Variants in PDS5B observed in about 807,000 individuals in gnomAD.
The protein encoded by PDS5B is PDS5 cohesin associated factor B.
A neutral mutation model predicts 184.1 loss-of-function variants in PDS5B; 51 were observed. The ratio of observed to expected loss-of-function variants is 0.28; its 90% CI spans 0.22 to 0.35. PDS5B has a LOEUF of 0.35. Among genes scored for constraint, PDS5B ranks in the 10% least tolerant of loss-of-function variants. The probability of loss-of-function intolerance (pLI) is 1.00; values close to 1 mark genes in which losing one functional copy is unlikely to be tolerated. For missense variants in PDS5B, 1,180 were observed against 1,723.3 expected, an observed-to-expected ratio of 0.68 and a Z score of 5.58; for synonymous variants, 566 against 569.2, an observed-to-expected ratio of 0.99 and a Z score of 0.08.
chr13:32,754,487 C>A (rs9596205), intron 25 of PDS5B, among the ~76,000 whole-genome samples: 48,517 of 152,016 alleles, frequency 0.32, 9,430 homozygotes, highest in Non-Finnish European at 0.44. Context: ...TGTTTCCAGA[C>A]AAACAAACAA....
At chr13:32,739,506 C>T (rs983051832) in intron 21 of PDS5B, among the ~76,000 whole-genome samples, 1 of 152,118 alleles carries the variant, frequency 6.6e-6, no homozygotes, top group African/African-American at 2.4e-5. Flanking sequence ...ATCCATCTTT[C>T]TTGCTAAATT....
chr13:32,634,083 T>TA (rs1208911264), intron 1 of PDS5B, among the ~76,000 whole-genome samples: 1 of 152,210 alleles, frequency 6.6e-6, no homozygotes, highest in East Asian at 1.9e-4. Context: ...AGCTTCCTGT[T>TA]ACTGCTTCAG....
chr13:32,656,371 G>A (rs538321571), intron 3 of PDS5B, among the ~76,000 whole-genome samples: 2 of 141,934 alleles, frequency 1.4e-5, no homozygotes, highest in South Asian at 4.7e-4. Context: ...ATTTTGTGAA[G>A]AATGTTCTTG....
chr13:32,664,864 GA>G (rs1329650336), intron 6 of PDS5B, among the ~76,000 whole-genome samples: 12 of 145,766 alleles, frequency 8.2e-5, no homozygotes, highest in Middle Eastern at 3.5e-3. Flanking sequence ...AAGGGAAAAA[GA>G]AAAAAAAAAG....
chr13:32,689,531 T>C (rs1395606008), intron 13 of PDS5B: 1 of 152,180 alleles, frequency 6.6e-6, no homozygotes, highest in Non-Finnish European at 1.5e-5. Context: ...AAATATTTAC[T>C]GTCCGGCCTT....
chr13:32,626,855 A>T (rs946493770), intron 1 of PDS5B, among the ~76,000 whole-genome samples: 1 of 152,238 alleles, frequency 6.6e-6, no homozygotes, highest in African/African-American at 2.4e-5. Context: ...TTATATGTTC[A>T]ATCAAATAAA....
intron 19 of PDS5B, among the ~76,000 whole-genome samples, chr13:32,713,039 A>C (rs926716543): frequency 6.6e-6 from 1 of 152,230 alleles, no homozygotes; most frequent in African/African-American, 2.4e-5. Context: ...TAGATGTGCC[A>C]AAACTGAGGA....
At chr13:32,640,981 C>A (rs909219419) in intron 1 of PDS5B, among the ~76,000 whole-genome samples, 1 of 149,354 alleles carries the variant, frequency 6.7e-6, no homozygotes, top group Non-Finnish European at 1.5e-5. Flanking sequence ...GGCGTGAACC[C>A]GGGAGGCGGA....
intron 24 of PDS5B, 60 bp from the exon 25 acceptor site, chr13:32,753,272 C>T (rs1954052805): frequency 1.5e-6 from 2 of 1,373,798 alleles, no homozygotes; most frequent in Admixed American, 1.8e-5. Flanking sequence ...AATTTTATAT[C>T]TGAAGTTGTT....
chr13:32,750,865 G>GTA (rs1555316538), intron 24 of PDS5B, among the ~76,000 whole-genome samples: 1 of 151,688 alleles, frequency 6.6e-6, no homozygotes, highest in East Asian at 1.9e-4. Context: ...GTGTGTGTGT[G>GTA]TGTGTGTGTG....
intron 1 of PDS5B, among the ~76,000 whole-genome samples, chr13:32,587,398 C>T (rs2057705416): frequency 6.6e-6 from 1 of 152,124 alleles, no homozygotes; most frequent in Non-Finnish European, 1.5e-5. Context: ...GAAGGAACGG[C>T]GGGGAAAATG....
At chr13:32,693,716 T>C (rs758021325) in intron 13 of PDS5B, among the ~76,000 whole-genome samples, 13 of 150,842 alleles carry the variant, frequency 8.6e-5, no homozygotes, top group Non-Finnish European at 1.6e-4. Flanking sequence ...ATATTGTTGC[T>C]TATATATCGA....
At chr13:32,625,177 C>T (rs924639750) in intron 1 of PDS5B, among the ~76,000 whole-genome samples, 55 of 152,184 alleles carry the variant, frequency 3.6e-4, no homozygotes, top group Non-Finnish European at 1.2e-4. Flanking sequence ...AGTACAGTGA[C>T]GTGATCACAG....
rs1950374944 is a variant in PDS5B, at chr13:32,651,890, A to C, written c.195A>C (p.Ser65=). The stretch of plus-strand genomic sequence containing the variant: ...TAAACCTAGCTTTACATCTTGCTTC[A>C]GATTTTTTTCTCAAGCATCCTGATA... The part of the protein sequence containing the change: ...LYLNLALHLA[S]DFFLKHPDKD... Residue 65 remains serine, a synonymous_variant, in exon 3 of 35, where the codon TCA becomes TCC. Transcript: ENST00000315596. 4 of 1,613,202 alleles carry C rather than the reference A, an allele frequency of 2.5e-6. No homozygotes were observed. The highest frequency in any genetic ancestry group is 2.7e-5 in the African/African-American group (2 of 75,024).
chr13:32,680,705 C>CTT (rs1951214908), intron 10 of PDS5B, among the ~76,000 whole-genome samples: 1 of 152,172 alleles, frequency 6.6e-6, no homozygotes, highest in African/African-American at 2.4e-5. Context: ...CCTTCTCTTC[C>CTT]TTGTTTTAAG....
intron 15 of PDS5B, among the ~76,000 whole-genome samples, chr13:32,697,425 CAG>C (rs1181435067): frequency 1.3e-5 from 2 of 152,140 alleles, no homozygotes; most frequent in Non-Finnish European, 2.9e-5. Flanking sequence ...GAGGGATAAT[CAG>C]AAACACCTGG....
At chr13:32,629,249 G>A (rs1220681405) in intron 1 of PDS5B, among the ~76,000 whole-genome samples, 2 of 151,864 alleles carry the variant, frequency 1.3e-5, no homozygotes, top group East Asian at 3.9e-4. Flanking sequence ...TCATTGCTCC[G>A]AGTTGTTCGA....
chr13:32,753,159 G>A (rs561265855), intron 24 of PDS5B, among the ~76,000 whole-genome samples, 173 bp from the exon 25 acceptor site: 13 of 152,068 alleles, frequency 8.5e-5, no homozygotes, highest in Non-Finnish European at 1.6e-4. Context: ...GATGAATATT[G>A]CAGCTTCAAA....
At chr13:32,646,338 G>T in intron 1 of PDS5B, among the ~76,000 whole-genome samples, 1 of 141,660 alleles carries the variant, frequency 7.1e-6, no homozygotes, top group Non-Finnish European at 1.5e-5. Context: ...ATATTATTGT[G>T]TGAGGCAATG....
Sources: gnomAD v4.1 joint callset for allele counts (sites outside exome capture counted in the v4.1 genomes callset) on GRCh38, gnomAD v4.1.1 for gene constraint, MANE v1.5 for transcripts, NCBI Gene and HGNC (gene_info 2026-07-23, HGNC 2026-07-21) for gene names.